The following PHACTR3 variants were observed in gnomAD, a reference collection of about 807,000 sequenced individuals.
PHACTR3 encodes the protein phosphatase and actin regulator 3, also known as protein phosphatase 1, regulatory subunit 123.
Under a neutral mutation model 66.8 loss-of-function variants are expected in PHACTR3, and 16 were observed. That is an observed-to-expected ratio of 0.24 (90% CI 0.16 to 0.36). The LOEUF (loss-of-function observed/expected upper bound fraction) is 0.36. Among genes scored for constraint, PHACTR3 ranks in the 10% least tolerant of loss-of-function variants. PHACTR3 has a pLI of 1.00. For missense variants in PHACTR3, 647 were observed against 719.9 expected (o/e 0.90, Z 1.16); for synonymous variants, 323 against 292.1 (o/e 1.11, Z -1.08).
rs550918613 is a variant in PHACTR3 at position 59,652,188 on chromosome 20, G to A, written c.118+47056G>A. On this transcript the variant is annotated intron_variant, in intron 1 of 12. Coordinates refer to ENST00000371015, the MANE Select transcript of PHACTR3 (RefSeq NM_080672.5). ...GTTCTATTCAGGCCTCTATCAGGTC[G>A]GATGTTGCTCACTCACATGAGGGAA... Among the ~76,000 whole-genome samples, 29 of 152,260 alleles carry A rather than the reference G, an allele frequency of 1.9e-4. No homozygotes were observed. In the South Asian group the frequency reaches 2.1e-3, roughly 11 times the overall value.
chr20:59,700,256 G>A (rs1021218774), intron 1 of PHACTR3, among the ~76,000 whole-genome samples: 2 of 152,272 alleles, frequency 1.3e-5, no homozygotes, highest in Admixed American at 6.5e-5. Flanking sequence ...CTGTGGAAAA[G>A]GTTCTTCTCC....
chr20:59,819,976 CCT>C (rs1298710045), intron 8 of PHACTR3, among the ~76,000 whole-genome samples: 1 of 152,230 alleles, frequency 6.6e-6, no homozygotes, highest in African/African-American at 2.4e-5. Context: ...TGATTTTCTT[CCT>C]TTTTTTGATG....
rs569685499 is a variant in PHACTR3 at position 59,751,991 on chromosome 20, G to A, written c.359-3191G>A. On this transcript the variant is annotated intron_variant, in intron 3 of 12. Coordinates refer to ENST00000371015, the MANE Select transcript of PHACTR3 (RefSeq NM_080672.5). ...GACTTTCCTCCATCTCCCTGTATGC[G>A]TTGACTTGGCATTTTCTTAAATAAT... Among the ~76,000 whole-genome samples the A allele has an allele frequency of 9.9e-5, 15 of 152,272 alleles. No individual in the cohort carries two copies. The East Asian group carries it at 1.4e-3, about 14-fold the overall frequency.
chr20:59,692,754 C>G (rs1841019373), intron 1 of PHACTR3, among the ~76,000 whole-genome samples: 1 of 152,198 alleles, frequency 6.6e-6, no homozygotes. Context: ...GTTAAAATAT[C>G]AGCTCCATCC....
chr20:59,602,800 C>T (rs1173321339), upstream of PHACTR3, among the ~76,000 whole-genome samples: 1 of 152,220 alleles, frequency 6.6e-6, no homozygotes, highest in African/African-American at 2.4e-5. Context: ...ATTCAGAAAC[C>T]TTCCCATGGG....
chr20:59,680,503 C>T (rs2036603686), intron 1 of PHACTR3, among the ~76,000 whole-genome samples: 1 of 152,182 alleles, frequency 6.6e-6, no homozygotes, highest in Non-Finnish European at 1.5e-5. Flanking sequence ...GCAGTTTACG[C>T]AGCATTTTCA....
chr20:59,815,316 C>G (rs1292195706), intron 8 of PHACTR3, among the ~76,000 whole-genome samples: 1 of 152,024 alleles, frequency 6.6e-6, no homozygotes, highest in Non-Finnish European at 1.5e-5. Context: ...AGGAACTCAT[C>G]ATACCCAGGA....
intron 1 of PHACTR3, among the ~76,000 whole-genome samples, chr20:59,589,629 C>T (rs900270895): frequency 3.3e-5 from 5 of 152,108 alleles, no homozygotes; most frequent in African/African-American, 9.7e-5. Flanking sequence ...GTGGTGAGTC[C>T]GTAAGCCCAG....
At position 59,767,187 on chromosome 20, in the gene PHACTR3, C is replaced by T; in HGVS notation, c.543C>T (p.Ala181=). The change falls in exon 5 of 13, where the codon GCC becomes GCT. Residue 181 remains alanine (A), a splice_region_variant and synonymous_variant. Transcript: ENST00000371015. Reference sequence around the variant, plus strand: ...CTCTCTGCTTTGCCTTTGAACCAGCCAAGATGCCTTCTGCATCCAGTGGTG... The same window carrying T: ...CTCTCTGCTTTGCCTTTGAACCAGCTAAGATGCCTTCTGCATCCAGTGGTG... The part of the protein sequence containing the change: ...LSSAAHLDDA[A]KMPSASSGEE... 1.2e-6 allele frequency: 2 copies of T among 1,614,200 alleles called. No homozygotes were observed. Among genetic ancestry groups the T allele is most frequent in the Non-Finnish European group, 1.7e-6 (2 of 1,180,022 alleles).
Position 59,604,879 on chromosome 20 carries a change from T to TG in PHACTR3, c.-136_-135insG. ...TCCAGCTCGTTTCCTTTCCCGGCCT[T>TG]TTTTTTTTTTTTTTTTTTTTAATTT... On this transcript the variant is annotated 5_prime_UTR_variant, in exon 1 of 13. Transcript: ENST00000371015. 16 of 364,124 alleles carry TG rather than the reference T, an allele frequency of 4.4e-5. No homozygotes were observed. Among genetic ancestry groups the TG allele is most frequent in the East Asian group, 1.9e-4 (2 of 10,614 alleles). The allele number at this position is 364,124 out of a possible 1,614,324, so 22.6% of individuals were successfully genotyped here.
intron 1 of PHACTR3, among the ~76,000 whole-genome samples, chr20:59,652,108 C>G (rs1346623790): frequency 6.6e-6 from 1 of 152,070 alleles, no homozygotes; most frequent in Non-Finnish European, 1.5e-5. Flanking sequence ...TATGCTAGCT[C>G]AAGCAGGCAG....
intron 4 of PHACTR3, among the ~76,000 whole-genome samples, chr20:59,764,651 G>A (rs965273825): frequency 9.2e-5 from 14 of 152,264 alleles, no homozygotes; most frequent in East Asian, 1.9e-4. Context: ...AGCCAGTTCC[G>A]TGACATCTCT....
intron 10 of PHACTR3, among the ~76,000 whole-genome samples, 185 bp downstream of exon 10, chr20:59,840,615 TCCCTA>T (rs754235217): frequency 2.4e-4 from 37 of 152,320 alleles, no homozygotes; most frequent in Non-Finnish European, 3.8e-4. Context: ...CCTCTGACGT[TCCCTA>T]TGGACGAAGT....
At chr20:59,819,046 C>G (rs745324041) in intron 8 of PHACTR3, among the ~76,000 whole-genome samples, 51 of 152,286 alleles carry the variant, frequency 3.3e-4, no homozygotes, top group Non-Finnish European at 6.3e-4. Context: ...GAATGAAGCC[C>G]ACATCTAAAG....
In PHACTR3 at chr20:59,660,317, AC is replaced by A. The variant is rs1394573502; in HGVS notation, c.118+55189del. Reference sequence around the variant, plus strand: ...AGATCATCCTGGCTAACATGGTGAAACCCCGTCTCTACTAAAAATACAAAAA... The same window carrying A: ...AGATCATCCTGGCTAACATGGTGAAACCCGTCTCTACTAAAAATACAAAAA... On this transcript the variant is annotated intron_variant, in intron 1 of 12. Transcript: ENST00000371015. Among the ~76,000 whole-genome samples, 175 of 152,224 alleles carry A rather than the reference AC, an allele frequency of 1.1e-3. 2 individuals are homozygous for A. Among genetic ancestry groups the A allele is most frequent in the Non-Finnish European group, 1.0e-4 (7 of 68,004 alleles).
At chr20:59,762,992 C>G (rs910524740) in intron 4 of PHACTR3, among the ~76,000 whole-genome samples, 1 of 152,150 alleles carries the variant, frequency 6.6e-6, no homozygotes, top group African/African-American at 2.4e-5. Flanking sequence ...AACACTGAAC[C>G]TGGTGAAAGT....
At chr20:59,764,292 G>A (rs1045311931) in intron 4 of PHACTR3, among the ~76,000 whole-genome samples, 2 of 151,764 alleles carry the variant, frequency 1.3e-5, no homozygotes, top group African/African-American at 4.8e-5. Context: ...TTCCTCCCTG[G>A]TATGAGGACA....
At chr20:59,628,512 C>T in intron 1 of PHACTR3, 1 of 478,696 alleles carries the variant, frequency 2.1e-6, no homozygotes, top group Non-Finnish European at 2.7e-6. Flanking sequence ...CGGAGTGCAG[C>T]CGTGCATGGG....
intron 8 of PHACTR3, among the ~76,000 whole-genome samples, chr20:59,833,269 T>A (rs557342656): frequency 6.6e-6 from 1 of 152,226 alleles, no homozygotes; most frequent in African/African-American, 2.4e-5. Context: ...CAGTGAGCGA[T>A]TGGACCACTA....
Sources: gnomAD v4.1 joint callset for allele counts (sites outside exome capture counted in the v4.1 genomes callset) on GRCh38, gnomAD v4.1.1 for gene constraint, MANE v1.5 for transcripts, NCBI Gene and HGNC (gene_info 2026-07-23, HGNC 2026-07-21) for gene names.